Variants in EPHA3 observed in about 807,000 individuals in gnomAD.
EPHA3 encodes EPH receptor A3, also known as ephrin type-A receptor 3.
In EPHA3, 42 loss-of-function variants were observed where a neutral mutation model predicts 107.1. That is an observed-to-expected ratio of 0.39 (90% CI 0.31 to 0.51). EPHA3 has a LOEUF of 0.51. Among genes scored for constraint, EPHA3 ranks in the 20% least tolerant of loss-of-function variants. The probability of loss-of-function intolerance (pLI) is 0.78; values close to 1 mark genes in which losing one functional copy is unlikely to be tolerated. For missense variants in EPHA3, 1,183 were observed against 1,211.2 expected (o/e 0.98, Z 0.35); for synonymous variants, 461 against 424.8 (o/e 1.09, Z -1.05).
chr3:89,353,440 A>G (rs1461879979), intron 5 of EPHA3, among the ~76,000 whole-genome samples: 1 of 151,390 alleles, frequency 6.6e-6, no homozygotes, highest in Non-Finnish European at 1.5e-5. Context: ...AAACCTAAAA[A>G]TCAAAGTCTT....
At chr3:89,172,751 T>A (rs953834060) in intron 2 of EPHA3, among the ~76,000 whole-genome samples, 3 of 152,152 alleles carry the variant, frequency 2.0e-5, no homozygotes, top group African/African-American at 7.2e-5. Flanking sequence ...AGGTGATCTA[T>A]TCCATATTGT....
chr3:89,235,881 A>C (rs146334502), intron 3 of EPHA3, among the ~76,000 whole-genome samples: 2 of 152,008 alleles, frequency 1.3e-5, no homozygotes, highest in Non-Finnish European at 2.9e-5. Context: ...AAGAATTTCT[A>C]TGTATTAATA....
At chr3:89,326,579 G>A (rs965406091) in intron 3 of EPHA3, among the ~76,000 whole-genome samples, 4 of 151,822 alleles carry the variant, frequency 2.6e-5, no homozygotes, top group African/African-American at 9.7e-5. Flanking sequence ...TTGTAGAGAT[G>A]GGGTTTCACC....
intron 3 of EPHA3, among the ~76,000 whole-genome samples, chr3:89,254,838 C>A (rs919691425): frequency 6.6e-6 from 1 of 152,188 alleles, no homozygotes; most frequent in Non-Finnish European, 1.5e-5. Flanking sequence ...TCAGAACTGG[C>A]AAGACATCTC....
At chr3:89,441,624 A>G (rs74610319) in intron 13 of EPHA3, among the ~76,000 whole-genome samples, 1,562 of 152,298 alleles carry the variant, frequency 0.01, 28 homozygotes, top group African/African-American at 0.036. Flanking sequence ...TATATAAGCT[A>G]GGAAAGCAAT....
At chr3:89,385,424 C>A (rs1708595619) in intron 5 of EPHA3, among the ~76,000 whole-genome samples, 1 of 152,160 alleles carries the variant, frequency 6.6e-6, no homozygotes, top group African/African-American at 2.4e-5. Flanking sequence ...TGAGTTCTCG[C>A]AAGATCTGAT....
chr3:89,262,116 T>C (rs1705431651), intron 3 of EPHA3, among the ~76,000 whole-genome samples: 1 of 152,144 alleles, frequency 6.6e-6, no homozygotes, highest in South Asian at 2.1e-4. Context: ...GGAACTCTCG[T>C]ATTCATATCT....
rs549607005 is a variant in EPHA3, at chr3:89,481,915, T to C, written c.*2413T>C. On this transcript the variant is annotated 3_prime_UTR_variant, in exon 17 of 17. Transcript: ENST00000336596. Reference sequence around the variant, plus strand: ...TTGATTTACATATATTATTTATTTCTGGTAACTCACTCAGTTTATGCTGTG... The same window carrying C: ...TTGATTTACATATATTATTTATTTCCGGTAACTCACTCAGTTTATGCTGTG... 3.5e-5 allele frequency: 8 copies of C among 227,728 alleles called. No homozygotes were observed. The highest frequency in any genetic ancestry group is 1.5e-4 in the African/African-American group (7 of 45,170). The allele number at this position is 227,728 out of a possible 1,614,324, so 14.1% of individuals were successfully genotyped here.
chr3:89,334,328 T>A (rs1191786294), intron 3 of EPHA3, among the ~76,000 whole-genome samples: 1 of 152,326 alleles, frequency 6.6e-6, no homozygotes, highest in African/African-American at 2.4e-5. Context: ...AGGAAAGAAT[T>A]TCATTTCCTT....
intron 3 of EPHA3, among the ~76,000 whole-genome samples, chr3:89,311,103 C>A (rs1244843048): frequency 4.6e-5 from 7 of 151,900 alleles, no homozygotes; most frequent in Non-Finnish European, 1.0e-4. Flanking sequence ...AAACAGTAAG[C>A]ATTTTACAAA....
intron 1 of EPHA3, among the ~76,000 whole-genome samples, chr3:89,115,859 A>G (rs1371313519): frequency 6.6e-6 from 1 of 152,168 alleles, no homozygotes; most frequent in Non-Finnish European, 1.5e-5. Context: ...GACACAAATG[A>G]CTATGAACTA....
chr3:89,382,661 C>T (rs1257526381), intron 5 of EPHA3, among the ~76,000 whole-genome samples: 2 of 151,996 alleles, frequency 1.3e-5, no homozygotes, highest in South Asian at 2.1e-4. Flanking sequence ...TAAACAGAGT[C>T]GGGGTTGGTT....
chr3:89,187,037 A>G (rs899467398), intron 2 of EPHA3, among the ~76,000 whole-genome samples: 4 of 151,906 alleles, frequency 2.6e-5, no homozygotes, highest in African/African-American at 2.4e-5. Flanking sequence ...ATAAAAGTGT[A>G]TTGAACTTAA....
At chr3:89,168,838 G>A (rs1576200056) in intron 2 of EPHA3, among the ~76,000 whole-genome samples, 1 of 152,010 alleles carries the variant, frequency 6.6e-6, no homozygotes, top group Non-Finnish European at 1.5e-5. Context: ...ATATGCAAAT[G>A]TATTGAAATT....
chr3:89,159,011 T>C (rs940702279), intron 2 of EPHA3, among the ~76,000 whole-genome samples: 2 of 152,098 alleles, frequency 1.3e-5, no homozygotes, highest in Non-Finnish European at 2.9e-5. Context: ...ATATTATAAA[T>C]AGCCTCACCC....
chr3:89,404,151 A>G (rs1019071261), intron 7 of EPHA3, among the ~76,000 whole-genome samples: 2 of 152,094 alleles, frequency 1.3e-5, no homozygotes, highest in African/African-American at 2.4e-5. Flanking sequence ...CTTGGGCCCT[A>G]TTACTAGGGA....
chr3:89,421,669 T>C (rs1410410081), intron 11 of EPHA3, among the ~76,000 whole-genome samples: 1 of 151,314 alleles, frequency 6.6e-6, no homozygotes, highest in East Asian at 1.9e-4. Context: ...TTCAGTGTTA[T>C]GAATTATGAA....
At chr3:89,136,533 T>G (rs1475111168) in intron 2 of EPHA3, among the ~76,000 whole-genome samples, 1 of 151,694 alleles carries the variant, frequency 6.6e-6, no homozygotes, top group Non-Finnish European at 1.5e-5. Flanking sequence ...TATGTCTCTT[T>G]ATGAATTGTG....
At chr3:89,233,165 A>T (rs1174827145) in intron 3 of EPHA3, among the ~76,000 whole-genome samples, 1 of 152,078 alleles carries the variant, frequency 6.6e-6, no homozygotes, top group African/African-American at 2.4e-5. Flanking sequence ...TATTTGAAAT[A>T]TATATATATA....
Sources: allele counts gnomAD v4.1 joint callset (sites outside exome capture counted in the v4.1 genomes callset), GRCh38; gene constraint gnomAD v4.1.1; transcripts MANE v1.5; gene names NCBI Gene and HGNC (gene_info 2026-07-23, HGNC 2026-07-21).